Variants in CRLF3 observed in about 807,000 individuals in gnomAD.
CRLF3 encodes the protein cytokine receptor-like factor 3.
In CRLF3, 33 loss-of-function variants were observed where a neutral mutation model predicts 55.0. The observed-to-expected ratio is 0.60, with a 90% CI of 0.46 to 0.80. CRLF3 has a LOEUF of 0.80. Ranked by LOEUF, CRLF3 falls within the 30% of genes least tolerant of loss-of-function variation. The probability of loss-of-function intolerance (pLI) is 0.00; values close to 1 mark genes in which losing one functional copy is unlikely to be tolerated. For missense variants in CRLF3, 494 were observed against 538.4 expected, an observed-to-expected ratio of 0.92 and a Z score of 0.82; for synonymous variants, 238 against 196.8, an observed-to-expected ratio of 1.21 and a Z score of -1.75.
rs1472556136 is a variant in CRLF3 at position 30,782,739 on chromosome 17, C to G, written c.*1448G>C. 6.6e-6 allele frequency: 1 copy of G among 152,056 alleles called. No homozygotes were observed. Among genetic ancestry groups the G allele is most frequent in the East Asian group, 1.9e-4 (1 of 5,204 alleles). The allele number at this position is 152,056 out of a possible 1,614,324, so 9.4% of individuals were successfully genotyped here. A position where few individuals can be genotyped will look rare whatever the true frequency, so the allele number is the denominator to read the frequency against. On this transcript the variant is annotated 3_prime_UTR_variant, in exon 8 of 8. Transcript: ENST00000324238. ...TATGGCTGGACAAGGTATCTACATT[C>G]TAGAACATCTTCTTAATCCCTAAAC...
chr17:30,824,339 C>G (rs1315911848), intron 1 of CRLF3, among the ~76,000 whole-genome samples, 184 bp downstream of exon 1: 1 of 151,858 alleles, frequency 6.6e-6, no homozygotes, highest in Non-Finnish European at 1.5e-5. Flanking sequence ...AAAACTTCCC[C>G]TTACGACCTC....
At chr17:30,823,083 G>A (rs1905042359) in intron 1 of CRLF3, among the ~76,000 whole-genome samples, 1 of 150,720 alleles carries the variant, frequency 6.6e-6, no homozygotes. Context: ...TATAAAACCC[G>A]GCCGGGCGCG....
chr17:30,782,778 C>CTACT lies in CRLF3; in HGVS notation c.*1405_*1408dup, dbSNP rs1971521986. On this transcript the variant is annotated 3_prime_UTR_variant, in exon 8 of 8. Coordinates refer to ENST00000324238, the MANE Select transcript of CRLF3 (RefSeq NM_015986.4). ...TAATCCCTAAACAAGTGGAAATCTACTACTTATATATAAAAAGACAAGTAG... is the reference window on the plus strand; with the variant it reads ...TAATCCCTAAACAAGTGGAAATCTACTACTTACTTATATATAAAAAGACAAGTAG... The CTACT allele has an allele frequency of 6.6e-6, 1 of 152,072 alleles. No homozygotes were observed. 9.4% of individuals were successfully genotyped at this position (152,072 alleles called of 1,614,324 possible). A position where few individuals can be genotyped will look rare whatever the true frequency, so the allele number is the denominator to read the frequency against.
rs141989626 is a variant in CRLF3 at position 30,812,402 on chromosome 17, G to A, written c.130-8294C>T. ...GAGAACCTGTGTAGATGAGTAACAT[G>A]GGAGTCAGAGAGATGAAACTGGCCA... On this transcript the variant is annotated intron_variant, in intron 1 of 7. Coordinates refer to ENST00000324238, the MANE Select transcript of CRLF3 (RefSeq NM_015986.4). 7.5e-3 allele frequency among the ~76,000 whole-genome samples: 1,131 copies of A among 150,960 alleles called. 7 individuals are homozygous for A. Among genetic ancestry groups the A allele is most frequent in the Non-Finnish European group, 0.013 (892 of 67,572 alleles).
In CRLF3 at chr17:30,803,762, G is replaced by A. The variant is rs142019110; in HGVS notation, c.337+139C>T. 1.8e-3 allele frequency: 1,247 copies of A among 699,484 alleles called. 10 individuals are homozygous for A. In the African/African-American group the frequency reaches 0.02, roughly 11 times the overall value. 43.3% of individuals were successfully genotyped at this position (699,484 alleles called of 1,614,324 possible). ...GATGTGCCTTTCACCTGCCATGATT[G>A]TGAGGCCTCCCCAGCCACATGGAAC... On this transcript the variant is annotated intron_variant, in intron 2 of 7. Transcript: ENST00000324238.
At chr17:30,792,238 C>T (rs1422383512) in intron 6 of CRLF3, 8 of 492,104 alleles carry the variant, frequency 1.6e-5, no homozygotes, top group Admixed American at 3.1e-5. Flanking sequence ...ATTTTATATA[C>T]ATTTCCCAGT....
At chr17:30,792,203 GAT>G in intron 6 of CRLF3, among the ~76,000 whole-genome samples, 1 of 152,270 alleles carries the variant, frequency 6.6e-6, no homozygotes, top group East Asian at 1.9e-4. Flanking sequence ...GAGGAAAAGA[GAT>G]ATAAACATAT....
rs549296536 is a variant in CRLF3, at chr17:30,798,506, T to G, written c.338-1108A>C. ...TAAATGTGCCCTGTAGTTACTCAAG[T>G]TTTTTGAGACCATATGACCTTCTCC... is the stretch of plus-strand genomic sequence containing the variant. On this transcript the variant is annotated intron_variant, in intron 2 of 7. Coordinates refer to ENST00000324238, the MANE Select transcript of CRLF3 (RefSeq NM_015986.4). 2.0e-5 allele frequency among the ~76,000 whole-genome samples: 3 copies of G among 152,232 alleles called. No individual in the cohort carries two copies. In the South Asian group the frequency reaches 6.2e-4, roughly 32 times the overall value.
At chr17:30,811,043 T>A (rs1904600359) in intron 1 of CRLF3, among the ~76,000 whole-genome samples, 1 of 152,008 alleles carries the variant, frequency 6.6e-6, no homozygotes, top group Non-Finnish European at 1.5e-5. Flanking sequence ...GGGTGGTTTT[T>A]GCACCACTGC....
rs9915515 is a variant in CRLF3, at chr17:30,819,504, G to C, written c.129+5019C>G. ...CTTACGTTTTTGTTTTTGAGATGGAGTCTCGCTCTGTCGCCCAGGCTGGAG... is the reference window on the plus strand; with the variant it reads ...CTTACGTTTTTGTTTTTGAGATGGACTCTCGCTCTGTCGCCCAGGCTGGAG... On this transcript the variant is annotated intron_variant, in intron 1 of 7. Transcript: ENST00000324238. 3.3e-3 allele frequency among the ~76,000 whole-genome samples: 499 copies of C among 152,246 alleles called. 2 individuals are homozygous for C. The highest frequency in any genetic ancestry group is 0.012 in the African/African-American group (481 of 41,540).
At chr17:30,791,403 T>C (rs1344549534) in intron 6 of CRLF3, among the ~76,000 whole-genome samples, 1 of 151,816 alleles carries the variant, frequency 6.6e-6, no homozygotes, top group Non-Finnish European at 1.5e-5. Context: ...GATGGGGTTT[T>C]ACCAGGTTGA....
intron 2 of CRLF3, among the ~76,000 whole-genome samples, chr17:30,798,130 A>G (rs77697583): frequency 0.13 from 19,295 of 152,132 alleles, 1,279 homozygotes; most frequent in South Asian, 0.25. Flanking sequence ...CTGTAATCCC[A>G]GCACTTTGGG....
chr17:30,812,072 T>C (rs1236580494), intron 1 of CRLF3, among the ~76,000 whole-genome samples: 2 of 151,280 alleles, frequency 1.3e-5, no homozygotes, highest in Non-Finnish European at 2.9e-5. Context: ...ATTGCGCCAG[T>C]GCACTCCAGC....
intron 6 of CRLF3, chr17:30,787,558 C>G (rs1435979720): frequency 6.7e-6 from 1 of 149,256 alleles, no homozygotes; most frequent in Non-Finnish European, 1.5e-5. Context: ...TAGTGTGAAA[C>G]AAAATGTGGC....
intron 2 of CRLF3, among the ~76,000 whole-genome samples, chr17:30,797,871 T>A (rs1326736128): frequency 6.7e-6 from 1 of 149,024 alleles, no homozygotes; most frequent in African/African-American, 2.5e-5. Flanking sequence ...AACTTCCAGG[T>A]TCAAGCAATC....
Position 30,793,602 on chromosome 17 carries a change from T to C in CRLF3, c.674A>G (p.Asp225Gly), listed in dbSNP as rs1351237266. The C allele has an allele frequency of 3.1e-6, 5 of 1,613,934 alleles. No homozygotes were observed. Among genetic ancestry groups the C allele is most frequent in the Non-Finnish European group, 4.2e-6 (5 of 1,179,980 alleles). The change falls in exon 5 of 8, where the codon GAT becomes GGT. Residue 225 changes from aspartate to glycine, a missense_variant. Transcript: ENST00000324238. ...TTCAGTTTCAGAACCTACATATACA[T>C]CCTCAAAATGATTTGAAGTACATTT... ...FRKCTSNHFEDVYVGSETEFI... is the reference protein window; with the variant it reads ...FRKCTSNHFEGVYVGSETEFI...
At chr17:30,816,262 A>G (rs1423223925) in intron 1 of CRLF3, among the ~76,000 whole-genome samples, 2 of 150,578 alleles carry the variant, frequency 1.3e-5, no homozygotes, top group African/African-American at 4.9e-5. Context: ...AGCGTGGGTG[A>G]CAGAGCAAGA....
In CRLF3 at chr17:30,784,056, G is replaced by A; in HGVS notation, c.*131C>T. On this transcript the variant is annotated 3_prime_UTR_variant, in exon 8 of 8. Coordinates refer to ENST00000324238, the MANE Select transcript of CRLF3 (RefSeq NM_015986.4). ...TCTTTTTGCTAAAATATTACAAAAT[G>A]AATCCAGTAAACACTTTCCAATGGC... 1 of 741,684 alleles carries A rather than the reference G, an allele frequency of 1.3e-6. No homozygotes were observed. The allele number at this position is 741,684 out of a possible 1,614,324, so 45.9% of individuals were successfully genotyped here. A position where few individuals can be genotyped will look rare whatever the true frequency, so the allele number is the denominator to read the frequency against.
chr17:30,792,584 C>A lies in CRLF3; in HGVS notation c.827-12G>T, dbSNP rs375056430. ...ACCAGCTGTCCACTCTTTTTCAAAG[C>A]AAAGATATTGAAAACTGTTAGAATC... On this transcript the variant is annotated splice_polypyrimidine_tract_variant and intron_variant, in intron 5 of 7. Coordinates refer to ENST00000324238, the MANE Select transcript of CRLF3 (RefSeq NM_015986.4). The A allele has an allele frequency of 1.3e-6, 2 of 1,587,546 alleles. No individual in the cohort carries two copies.
Sources: allele counts gnomAD v4.1 joint callset (sites outside exome capture counted in the v4.1 genomes callset), GRCh38; gene constraint gnomAD v4.1.1; transcripts MANE v1.5; gene names NCBI Gene and HGNC (gene_info 2026-07-23, HGNC 2026-07-21).